C5: variants seen among roughly 807,000 people sequenced by gnomAD.
The protein encoded by C5 is complement C5, also known as C3 and PZP-like alpha-2-macroglobulin domain-containing protein 4.
A neutral mutation model predicts 218.8 loss-of-function variants in C5; 140 were observed. The ratio of observed to expected loss-of-function variants is 0.64; its 90% CI spans 0.56 to 0.74. The LOEUF is 0.74. Ranked by LOEUF, C5 falls within the 30% of genes least tolerant of loss-of-function variation. The probability of loss-of-function intolerance (pLI) is 0.00; values close to 1 mark genes in which losing one functional copy is unlikely to be tolerated. For synonymous variants in C5, 614 were observed against 682.3 expected, an observed-to-expected ratio of 0.90 and a Z score of 1.56; for missense variants, 1,700 against 1,969.6, an observed-to-expected ratio of 0.86 and a Z score of 2.59.
chr9:120,974,456 C>G (rs2046937214), intron 30 of C5, among the ~76,000 whole-genome samples: 1 of 152,162 alleles, frequency 6.6e-6, no homozygotes, highest in African/African-American at 2.4e-5. Flanking sequence ...CAGATTTAAC[C>G]CACACATCTG....
At chr9:120,982,982 A>C (rs565298354) in intron 25 of C5, among the ~76,000 whole-genome samples, 168 bp from the exon 26 acceptor site, 1 of 152,244 alleles carries the variant, frequency 6.6e-6, no homozygotes, top group South Asian at 2.1e-4. Flanking sequence ...AATACCTCCA[A>C]AACATTCGGT....
chr9:120,970,216 C>T lies in C5; in HGVS notation c.4116G>A (p.Glu1372=). 1.2e-6 allele frequency: 2 copies of T among 1,613,480 alleles called. No homozygotes were observed. Among genetic ancestry groups the T allele is most frequent in the African/African-American group, 1.3e-5 (1 of 75,022 alleles). Residue 1372 remains glutamate, a synonymous_variant, in exon 32 of 41, where the codon GAG becomes GAA. Transcript: ENST00000223642. ...TTVVHKTSTS[E]EVCSFYLKID... ...TTTTCAAATAAAAGCTGCAAACTTC[C>T]TCAGAGGTACTGGTTTTGTGAACTA...
intron 20 of C5, among the ~76,000 whole-genome samples, chr9:121,004,673 T>C (rs1466691235): frequency 6.6e-6 from 1 of 151,926 alleles, no homozygotes; most frequent in Non-Finnish European, 1.5e-5. Context: ...CTCAGGAGGC[T>C]GAGTCATGAG....
chr9:121,032,266 A>G (rs767533602), intron 5 of C5, 71 bp from the exon 6 acceptor site: 3 of 897,688 alleles, frequency 3.3e-6, no homozygotes, highest in Non-Finnish European at 5.5e-6. Flanking sequence ...GAGATCTAAT[A>G]AATTCCTGTT....
At chr9:120,960,582 T>C (rs1022146365) in intron 37 of C5, among the ~76,000 whole-genome samples, 2 of 152,244 alleles carry the variant, frequency 1.3e-5, no homozygotes, top group Non-Finnish European at 2.9e-5. Flanking sequence ...CCATGGCCCG[T>C]GGGCAGCACA....
chr9:120,956,695 G>C (rs1416234662), intron 39 of C5, among the ~76,000 whole-genome samples: 1 of 152,086 alleles, frequency 6.6e-6, no homozygotes, highest in Non-Finnish European at 1.5e-5. Flanking sequence ...ACATGTTACT[G>C]ATACAAAAAA....
Position 120,961,475 on chromosome 9 carries a change from A to G in C5, c.4588+7T>C. ...CATGCAGCCTAAATATGTTAAATAA[A>G]GTTTACCTTCTACACACTTGCACGC... On this transcript the variant is annotated splice_region_variant and intron_variant, in intron 37 of 40. Coordinates refer to ENST00000223642, the MANE Select transcript of C5 (RefSeq NM_001735.3). 6.3e-7 allele frequency: 1 copy of G among 1,588,180 alleles called. No individual in the cohort carries two copies. The highest frequency in any genetic ancestry group is 8.6e-7 in the Non-Finnish European group (1 of 1,156,372).
chr9:121,060,244 C>CT, the C5 span, among the ~76,000 whole-genome samples: 898 of 152,314 alleles, frequency 5.9e-3, 10 homozygotes, highest in African/African-American at 0.02. Flanking sequence ...CTGGTATTAA[C>CT]TTAATAGCTT....
intron 17 of C5, among the ~76,000 whole-genome samples, chr9:121,009,386 A>G (rs776929141): frequency 2.7e-4 from 41 of 152,222 alleles, no homozygotes; most frequent in Non-Finnish European, 4.4e-4. Flanking sequence ...TTTACAGACT[A>G]GGGCAGGGAG....
At chr9:121,062,215 G>C in the C5 span, among the ~76,000 whole-genome samples, 1 of 152,106 alleles carries the variant, frequency 6.6e-6, no homozygotes, top group Non-Finnish European at 1.5e-5. Flanking sequence ...TACTCACTTT[G>C]ATTCCCACTA....
intron 24 of C5, 58 bp downstream of exon 24, chr9:120,989,510 A>T: frequency 9.0e-7 from 1 of 1,114,612 alleles, no homozygotes; most frequent in Non-Finnish European, 1.3e-6. Flanking sequence ...ATATTAGTTT[A>T]ATAAAAATAT....
rs199781835 is a variant in C5, at chr9:120,999,160, T to TA, written c.2563-1387dup. ...GAACTTTTGAAACTGATAGAAAATA[T>TA]AAAAAAAAAAGTGGTTCTGGTTTCA... On this transcript the variant is annotated intron_variant, in intron 20 of 40. Transcript: ENST00000223642. Among the ~76,000 whole-genome samples, 249 of 148,190 alleles carry TA rather than the reference T, an allele frequency of 1.7e-3. 2 individuals are homozygous for TA. Among genetic ancestry groups the TA allele is most frequent in the African/African-American group, 4.9e-3 (199 of 40,532 alleles).
chr9:121,029,937 G>C (rs2131795170), intron 7 of C5, among the ~76,000 whole-genome samples: 1 of 152,320 alleles, frequency 6.6e-6, no homozygotes, highest in Middle Eastern at 3.4e-3. Context: ...ACTGGCTGCA[G>C]CTACATGGGT....
chr9:121,033,514 C>T (rs377696087), intron 5 of C5, among the ~76,000 whole-genome samples: 10 of 152,156 alleles, frequency 6.6e-5, no homozygotes, highest in South Asian at 2.1e-4. Flanking sequence ...TGCAAAGGCA[C>T]GGAGGTAGGA....
chr9:120,960,237 TTTGAACTC>T lies in C5; in HGVS notation c.4678+3_4678+10del, dbSNP rs752506556. On this transcript the variant is annotated splice_donor_5th_base_variant and intron_variant, in intron 38 of 40. Transcript: ENST00000223642. ...ATGTTTAAAGGAGCTATATTGAACT[TTTGAACTC>T]ACCATATGCAATCTCTGGTTTACAT... 3.8e-6 allele frequency: 6 copies of T among 1,586,652 alleles called. No homozygotes were observed. The highest frequency in any genetic ancestry group is 5.2e-6 in the Non-Finnish European group (6 of 1,155,588).
Position 120,996,120 on chromosome 9 carries a change from G to A in C5, c.2851+120C>T. On this transcript the variant is annotated intron_variant, in intron 22 of 40. Transcript: ENST00000223642. ...AGGCATGAGCCACTGTGCCTGGCCAGAAGTGGATACTACTGATTTTAGACA... is the reference window on the plus strand; with the variant it reads ...AGGCATGAGCCACTGTGCCTGGCCAAAAGTGGATACTACTGATTTTAGACA... 4.8e-6 allele frequency: 4 copies of A among 840,600 alleles called. No homozygotes were observed. The South Asian group carries it at 5.5e-5, about 11-fold the overall frequency. 52.1% of individuals were successfully genotyped at this position (840,600 alleles called of 1,614,324 possible). A position where few individuals can be genotyped will look rare whatever the true frequency, so the allele number is the denominator to read the frequency against.
chr9:121,012,962 T>A (rs1449623697), intron 17 of C5, among the ~76,000 whole-genome samples: 1 of 152,188 alleles, frequency 6.6e-6, no homozygotes, highest in East Asian at 1.9e-4. Flanking sequence ...GATGAAAATG[T>A]CATTACGCAG....
chr9:120,971,359 A>C (rs1027369529), intron 31 of C5, among the ~76,000 whole-genome samples: 3 of 151,770 alleles, frequency 2.0e-5, no homozygotes, highest in Non-Finnish European at 4.4e-5. Context: ...ATGCGTATAC[A>C]CATATATAAT....
At chr9:121,067,430 G>T in the C5 span, among the ~76,000 whole-genome samples, 6 of 151,778 alleles carry the variant, frequency 4.0e-5, no homozygotes, top group Non-Finnish European at 8.8e-5. Context: ...TGGGCGTGGT[G>T]GTGCGTGCCC....
Sources: gnomAD v4.1 joint callset for allele counts (sites outside exome capture counted in the v4.1 genomes callset) on GRCh38, gnomAD v4.1.1 for gene constraint, MANE v1.5 for transcripts, NCBI Gene and HGNC (gene_info 2026-07-23, HGNC 2026-07-21) for gene names.